Variants in MFSD6 observed in about 807,000 individuals in gnomAD.
MFSD6 encodes major facilitator superfamily domain-containing protein 6.
MFSD6 carries 26 observed loss-of-function variants against 56.3 expected under a neutral mutation model. The observed-to-expected ratio is 0.46, with a 90% CI of 0.34 to 0.64. The LOEUF (loss-of-function observed/expected upper bound fraction) is 0.64, where lower values mean the gene tolerates loss of function less well. Ranked by LOEUF, MFSD6 falls within the 30% of genes least tolerant of loss-of-function variation. The pLI, the probability that MFSD6 is intolerant of heterozygous loss-of-function variation, is 0.01. For missense variants in MFSD6, 750 were observed against 986.2 expected (o/e 0.76, Z 3.21); for synonymous variants, 331 against 366.9 (o/e 0.90, Z 1.12).
chr2:190,459,354 G>C lies in MFSD6; in HGVS notation c.1533-10404G>C, dbSNP rs961316169. 6.6e-6 allele frequency among the ~76,000 whole-genome samples: 1 copy of C among 152,244 alleles called. No homozygotes were observed. The highest frequency in any genetic ancestry group is 3.4e-3 in the Middle Eastern group (1 of 294). On this transcript the variant is annotated intron_variant, in intron 3 of 7. Transcript: ENST00000392328. This position sits in a 1 kb window ranked among gnomAD's most constrained non-coding sequence, Gnocchi z 5.3. ...TAGCTTAGGGTCAAGTAAAACTCTT[G>C]AGGCCTTTTTAAAATTAACGGCTAT...
intron 3 of MFSD6, among the ~76,000 whole-genome samples, chr2:190,445,764 T>G (rs1172164359): frequency 6.6e-6 from 1 of 152,018 alleles, no homozygotes; most frequent in African/African-American, 2.4e-5. Context: ...AGTGCTTCTC[T>G]TTTCATTAGA....
chr2:190,499,906 A>C lies in MFSD6; in HGVS notation c.2173-109A>C. ...CTATTACTTGGTCCCTGAAATGGGC[A>C]CTTCCGGATGATCTCCCCATGTTTC... On this transcript the variant is annotated intron_variant, in intron 7 of 7. Transcript: ENST00000392328. This position sits in a 1 kb window ranked among gnomAD's most constrained non-coding sequence, Gnocchi z 6.0. 2 of 1,574,308 alleles carry C rather than the reference A, an allele frequency of 1.3e-6. No homozygotes were observed. The highest frequency in any genetic ancestry group is 1.7e-6 in the Non-Finnish European group (2 of 1,156,840).
intron 3 of MFSD6, among the ~76,000 whole-genome samples, chr2:190,449,870 G>T (rs1309428460): frequency 1.3e-5 from 2 of 151,994 alleles, no homozygotes; most frequent in Admixed American, 6.6e-5. Context: ...GTTGTGGGGT[G>T]GGGGAAGGGG....
At chr2:190,411,790 T>C (rs1444339263) in intron 1 of MFSD6, 7 of 985,260 alleles carry the variant, frequency 7.1e-6, no homozygotes, top group Middle Eastern at 5.2e-4. Flanking sequence ...TAATAGTAAC[T>C]GTAGCATATT....
chr2:190,497,877 T>TAC lies in MFSD6; in HGVS notation c.2172+158_2172+159insAC. 1 of 819,874 alleles carries TAC rather than the reference T, an allele frequency of 1.2e-6. No homozygotes were observed. Among genetic ancestry groups the TAC allele is most frequent in the Non-Finnish European group, 1.9e-6 (1 of 534,590 alleles). 50.8% of individuals were successfully genotyped at this position (819,874 alleles called of 1,614,324 possible). A position where few individuals can be genotyped will look rare whatever the true frequency, so the allele number is the denominator to read the frequency against. Reference sequence around the variant, plus strand: ...ATTTCAGTACTCTGTGAGCACTGAGTTAAAGAGGGTGTATACAAGGTCCCA... The same window carrying TAC: ...ATTTCAGTACTCTGTGAGCACTGAGTACTAAAGAGGGTGTATACAAGGTCCCA... On this transcript the variant is annotated intron_variant, in intron 7 of 7. Coordinates refer to ENST00000392328, the MANE Select transcript of MFSD6 (RefSeq NM_017694.4). The surrounding 1 kb of genome is among the most constrained non-coding windows in gnomAD (Gnocchi z 5.2).
At position 190,496,836 on chromosome 2, in the gene MFSD6, C is replaced by T. The variant is rs1230263380; in HGVS notation, c.1892-603C>T. 1.3e-5 allele frequency among the ~76,000 whole-genome samples: 2 copies of T among 152,162 alleles called. No homozygotes were observed. The highest frequency in any genetic ancestry group is 4.8e-5 in the African/African-American group (2 of 41,430). ...TGGAAAACCAAACATCGTATATTCT[C>T]ACTCATAAGTGGGAGCTAGGCTATG... On this transcript the variant is annotated intron_variant, in intron 6 of 7. Coordinates refer to ENST00000392328, the MANE Select transcript of MFSD6 (RefSeq NM_017694.4). The surrounding 1 kb of genome is among the most constrained non-coding windows in gnomAD (Gnocchi z 4.7).
In MFSD6 at chr2:190,428,960, AC is replaced by A. The variant is rs570811567; in HGVS notation, c.-53-7015del. Among the ~76,000 whole-genome samples the A allele has an allele frequency of 1.7e-4, 26 of 152,288 alleles. No homozygotes were observed. The South Asian group carries it at 5.4e-3, about 32-fold the overall frequency. On this transcript the variant is annotated intron_variant, in intron 2 of 7. Transcript: ENST00000392328. ...AGTGCTGGGATTACAGGTGTGAGCC[AC>A]CATGCCCAGCCTCAATCTTTTTTAT...
rs1352232924 is a variant in MFSD6 at position 190,489,473 on chromosome 2, T to G, written c.1793-295T>G. On this transcript the variant is annotated intron_variant, in intron 5 of 7. Coordinates refer to ENST00000392328, the MANE Select transcript of MFSD6 (RefSeq NM_017694.4). This position sits in a 1 kb window ranked among gnomAD's most constrained non-coding sequence, Gnocchi z 6.6. ...TAATTGGGTAAATGGTCTTTTCATA[T>G]GAAGAGGAGAGCACCATTGAATTGT... is the stretch of plus-strand genomic sequence containing the variant. 6.6e-6 allele frequency among the ~76,000 whole-genome samples: 1 copy of G among 152,194 alleles called. No individual in the cohort carries two copies. Among genetic ancestry groups the G allele is most frequent in the Admixed American group, 6.5e-5 (1 of 15,284 alleles).
At position 190,425,935 on chromosome 2, in the gene MFSD6, T is replaced by C. The variant is rs573172463; in HGVS notation, c.-53-10042T>C. Among the ~76,000 whole-genome samples, 3 of 152,326 alleles carry C rather than the reference T, an allele frequency of 2.0e-5. No individual in the cohort carries two copies. The East Asian group carries it at 5.8e-4, about 29-fold the overall frequency. ...TCTCAGAAATCTGCTATCATTTCAA[T>C]TGTTTTTCTCCCATTGGTAAGTTGT... is the stretch of plus-strand genomic sequence containing the variant. On this transcript the variant is annotated intron_variant, in intron 2 of 7. Coordinates refer to ENST00000392328, the MANE Select transcript of MFSD6 (RefSeq NM_017694.4). The surrounding 1 kb of genome is among the most constrained non-coding windows in gnomAD (Gnocchi z 4.3).
chr2:190,485,868 T>C lies in MFSD6; in HGVS notation c.1631-2789T>C, dbSNP rs1688982304. ...TATATAAAACCTAAGAAAGTTATTT[T>C]AATGTTTCTTAGTCAACTGTGAGGC... On this transcript the variant is annotated intron_variant, in intron 4 of 7. Coordinates refer to ENST00000392328, the MANE Select transcript of MFSD6 (RefSeq NM_017694.4). The surrounding 1 kb of genome is among the most constrained non-coding windows in gnomAD (Gnocchi z 5.1). 6.6e-6 allele frequency among the ~76,000 whole-genome samples: 1 copy of C among 152,188 alleles called. No homozygotes were observed. Among genetic ancestry groups the C allele is most frequent in the Non-Finnish European group, 1.5e-5 (1 of 68,020 alleles).
Position 190,410,143 on chromosome 2 carries a change from G to C in MFSD6, c.-176+1640G>C, listed in dbSNP as rs556114062. ...ACAGGTATTTGGTGGTGTGAGTATT[G>C]GATCACCAATTCCATCATATATAGT... On this transcript the variant is annotated intron_variant, in intron 1 of 7. Coordinates refer to ENST00000392328, the MANE Select transcript of MFSD6 (RefSeq NM_017694.4). The surrounding 1 kb of genome is among the most constrained non-coding windows in gnomAD (Gnocchi z 4.4). 1.2e-3 allele frequency among the ~76,000 whole-genome samples: 190 copies of C among 152,284 alleles called. No individual in the cohort carries two copies. Among genetic ancestry groups the C allele is most frequent in the Non-Finnish European group, 2.1e-3 (143 of 68,028 alleles).
chr2:190,465,660 G>T lies in MFSD6; in HGVS notation c.1533-4098G>T, dbSNP rs1311075847. Among the ~76,000 whole-genome samples, 2 of 152,090 alleles carry T rather than the reference G, an allele frequency of 1.3e-5. No homozygotes were observed. Among genetic ancestry groups the T allele is most frequent in the East Asian group, 3.8e-4 (2 of 5,198 alleles). ...TTAGAGTGAATGTGTTCATTTGCTT[G>T]GGTTACCACAAAGTACCACGGTCTG... On this transcript the variant is annotated intron_variant, in intron 3 of 7. Transcript: ENST00000392328. The surrounding 1 kb of genome is among the most constrained non-coding windows in gnomAD (Gnocchi z 4.6).
In MFSD6 at chr2:190,436,808, C is replaced by A; in HGVS notation, c.779C>A (p.Thr260Asn). The part of the protein sequence containing the change: ...VSPGSVTKET[T>N]TVIVTTTKSL... ...CCAGGAAGCGTAACCAAGGAGACAACCACTGTTATTGTTACCACCACCAAA... is the reference window on the plus strand; with the variant it reads ...CCAGGAAGCGTAACCAAGGAGACAAACACTGTTATTGTTACCACCACCAAA... The change falls in exon 3 of 8, where the codon ACC becomes AAC. Residue 260 changes from threonine to asparagine, a missense_variant. This residue lies in a region of MFSD6 where 376 missense variants were observed against 437.9 expected (regional missense o/e 0.86). Transcript: ENST00000392328. This position sits in a 1 kb window ranked among gnomAD's most constrained non-coding sequence, Gnocchi z 5.3. 6.2e-7 allele frequency: 1 copy of A among 1,614,202 alleles called. No individual in the cohort carries two copies. The highest frequency in any genetic ancestry group is 8.5e-7 in the Non-Finnish European group (1 of 1,180,038).
rs1487285400 is a variant in MFSD6 at position 190,423,672 on chromosome 2, G to A, written c.-54+8259G>A. Among the ~76,000 whole-genome samples, 4 of 152,154 alleles carry A rather than the reference G, an allele frequency of 2.6e-5. No individual in the cohort carries two copies. Among genetic ancestry groups the A allele is most frequent in the Admixed American group, 1.3e-4 (2 of 15,278 alleles). On this transcript the variant is annotated intron_variant, in intron 2 of 7. Coordinates refer to ENST00000392328, the MANE Select transcript of MFSD6 (RefSeq NM_017694.4). This position sits in a 1 kb window ranked among gnomAD's most constrained non-coding sequence, Gnocchi z 4.3. ...AAATTCCCAGAAGTGTAATTACTGGGTTTTATGGTAATCATGTATTTAGTT... is the reference window on the plus strand; with the variant it reads ...AAATTCCCAGAAGTGTAATTACTGGATTTTATGGTAATCATGTATTTAGTT...
rs1443931226 is a variant in MFSD6 at position 190,418,572 on chromosome 2, A to C, written c.-54+3159A>C. On this transcript the variant is annotated intron_variant, in intron 2 of 7. Transcript: ENST00000392328. This position sits in a 1 kb window ranked among gnomAD's most constrained non-coding sequence, Gnocchi z 4.1. ...GGAGTTCAAGACCAGCCTGGGCAAC[A>C]TAGTGAGACCCTGTCTCTGCAAACA... Among the ~76,000 whole-genome samples the C allele has an allele frequency of 6.6e-6, 1 of 152,086 alleles. No individual in the cohort carries two copies. The highest frequency in any genetic ancestry group is 1.5e-5 in the Non-Finnish European group (1 of 68,022).
In MFSD6 at chr2:190,437,233, A is replaced by G. The variant is rs1459140236; in HGVS notation, c.1204A>G (p.Lys402Glu). The change falls in exon 3 of 8, where the codon AAA (lysine) becomes GAA (glutamate). Residue 402 changes from lysine to glutamate, a missense_variant. By Grantham distance (56) the Lys-to-Glu change is moderately conservative. Coordinates refer to ENST00000392328, the MANE Select transcript of MFSD6 (RefSeq NM_017694.4). The surrounding 1 kb of genome is among the most constrained non-coding windows in gnomAD (Gnocchi z 5.9). ...RYNHFKNDDS[K>E]GKEVEIPQVE... Reference sequence around the variant, plus strand: ...CAACCATTTCAAAAACGATGATTCTAAAGGGAAAGAGGTGGAGATCCCGCA... The same window carrying G: ...CAACCATTTCAAAAACGATGATTCTGAAGGGAAAGAGGTGGAGATCCCGCA... 3.1e-6 allele frequency: 5 copies of G among 1,614,232 alleles called. No homozygotes were observed. Among genetic ancestry groups the G allele is most frequent in the Non-Finnish European group, 4.2e-6 (5 of 1,180,046 alleles).
intron 4 of MFSD6, among the ~76,000 whole-genome samples, chr2:190,476,569 G>A (rs1271344610): frequency 1.3e-5 from 2 of 152,192 alleles, no homozygotes; most frequent in Middle Eastern, 3.2e-3. Flanking sequence ...TGCTGGAGAG[G>A]ATGTGGAGAA....
rs1687779593 is a variant in MFSD6 at position 190,469,304 on chromosome 2, C to T, written c.1533-454C>T. On this transcript the variant is annotated intron_variant, in intron 3 of 7. Coordinates refer to ENST00000392328, the MANE Select transcript of MFSD6 (RefSeq NM_017694.4). This position sits in a 1 kb window ranked among gnomAD's most constrained non-coding sequence, Gnocchi z 5.3. ...TGGGTATTATGAGCAAGGCCACATT[C>T]GTGTTTACATATTCTCATTTTTATC... 6.6e-6 allele frequency among the ~76,000 whole-genome samples: 1 copy of T among 152,162 alleles called. No homozygotes were observed. The highest frequency in any genetic ancestry group is 2.1e-4 in the South Asian group (1 of 4,826).
intron 1 of MFSD6, chr2:190,411,467 T>C: frequency 1.0e-6 from 1 of 985,402 alleles, no homozygotes; most frequent in Non-Finnish European, 1.2e-6. Flanking sequence ...CGACAGTGGC[T>C]ATCTTCAGGA....
Sources: allele counts gnomAD v4.1 joint callset (sites outside exome capture counted in the v4.1 genomes callset), GRCh38; gene constraint gnomAD v4.1.1; regional missense constraint gnomAD v4.1.1; non-coding constraint Gnocchi (gnomAD v3.1); transcripts MANE v1.5; gene names NCBI Gene and HGNC (gene_info 2026-07-23, HGNC 2026-07-21).